ALS2: variants seen among roughly 807,000 people sequenced by gnomAD.
The protein encoded by ALS2 is alsin Rho guanine nucleotide exchange factor ALS2, also known as alsin.
A neutral mutation model predicts 203.4 loss-of-function variants in ALS2; 117 were observed. The observed-to-expected ratio is 0.58, with a 90% CI of 0.50 to 0.67. The LOEUF (loss-of-function observed/expected upper bound fraction) is 0.67, where lower values mean the gene tolerates loss of function less well. Among genes scored for constraint, ALS2 ranks in the 30% least tolerant of loss-of-function variants. ALS2 has a pLI of 0.00. For synonymous variants in ALS2, 718 were observed against 725.9 expected (o/e 0.99, Z 0.17); for missense variants, 1,715 against 1,989.4 (o/e 0.86, Z 2.62).
chr2:201,738,010 A>G (rs1477992046), intron 12 of ALS2, among the ~76,000 whole-genome samples: 2 of 152,194 alleles, frequency 1.3e-5, no homozygotes, highest in African/African-American at 4.8e-5. Flanking sequence ...ATTAAAATAC[A>G]GAATTTTTGG....
Position 201,733,315 on chromosome 2 carries a change from G to A in ALS2, c.2541C>T (p.Tyr847=), listed in dbSNP as rs181782027. The part of the protein sequence containing the change: ...FFLPIRRLHN[Y]AKVLLKLATC... ...TAGCAAGCTTTAGCAAAACTTTTGCGTAATTATGAAGTCGTCTGATTGGCA... is the reference window on the plus strand; with the variant it reads ...TAGCAAGCTTTAGCAAAACTTTTGCATAATTATGAAGTCGTCTGATTGGCA... Residue 847 remains tyrosine (Y), a synonymous_variant, in exon 13 of 34, where the codon TAC becomes TAT. Coordinates refer to ENST00000264276, the MANE Select transcript of ALS2 (RefSeq NM_020919.4). 9.9e-6 allele frequency: 16 copies of A among 1,613,828 alleles called. No individual in the cohort carries two copies. In the East Asian group the frequency reaches 1.1e-4, roughly 11 times the overall value.
intron 28 of ALS2, among the ~76,000 whole-genome samples, 163 bp from the exon 29 acceptor site, chr2:201,707,185 C>A (rs1482816551): frequency 6.6e-6 from 1 of 152,180 alleles, no homozygotes; most frequent in African/African-American, 2.4e-5. Context: ...GATATGAGGA[C>A]ATTATCTATA....
At chr2:201,767,866 T>TA (rs35608860) in intron 2 of ALS2, among the ~76,000 whole-genome samples, 19,854 of 111,902 alleles carry the variant, frequency 0.18, 1,714 homozygotes, top group East Asian at 0.38. Flanking sequence ...AGACTCTGTC[T>TA]AAAAAAAAAA....
intron 1 of ALS2, among the ~76,000 whole-genome samples, chr2:201,775,639 T>C (rs11904074): frequency 0.04 from 6,069 of 152,138 alleles, 364 homozygotes; most frequent in African/African-American, 0.13. Flanking sequence ...CACCTTGCAC[T>C]GAAGCCTTGG....
chr2:201,757,871 C>T (rs574139986), intron 4 of ALS2, 112 bp from the exon 5 acceptor site: 18 of 814,318 alleles, frequency 2.2e-5, no homozygotes, highest in East Asian at 5.3e-5. Context: ...GAATCTAAAA[C>T]GACAGAAGTT....
chr2:201,706,305 G>C (rs1689708017), intron 29 of ALS2, among the ~76,000 whole-genome samples: 2 of 151,594 alleles, frequency 1.3e-5, no homozygotes, highest in Non-Finnish European at 2.9e-5. Flanking sequence ...AGAATTGCTT[G>C]AACTTGGGAG....
chr2:201,733,537 C>T, intron 12 of ALS2, 99 bp from the exon 13 acceptor site: 1 of 1,071,520 alleles, frequency 9.3e-7, no homozygotes, highest in Non-Finnish European at 1.4e-6. Context: ...TTTCAGAATG[C>T]ACATTTTTTA....
intron 19 of ALS2, 45 bp downstream of exon 19, chr2:201,726,439 T>C: frequency 6.6e-7 from 1 of 1,509,948 alleles, no homozygotes. Context: ...ATTTACGACC[T>C]TACCGAACTT....
chr2:201,711,036 G>C lies in ALS2; in HGVS notation c.4077C>G (p.Ala1359=), dbSNP rs1043287064. 7 of 1,612,586 alleles carry C rather than the reference G, an allele frequency of 4.3e-6. No homozygotes were observed. The African/African-American group carries it at 5.3e-5, about 12-fold the overall frequency. Residue 1359 remains alanine (A), a synonymous_variant, in exon 26 of 34, where the codon GCC becomes GCG. Coordinates refer to ENST00000264276, the MANE Select transcript of ALS2 (RefSeq NM_020919.4). ...TGTCATCATATTTCTCCACAGAGAAGGCACCAACATGCTGTGGAATGAATT... is the reference window on the plus strand; with the variant it reads ...TGTCATCATATTTCTCCACAGAGAACGCACCAACATGCTGTGGAATGAATT... ...SLEFIPQHVG[A]FSVEKYDDIR... is the part of the protein sequence containing the mutation.
intron 25 of ALS2, among the ~76,000 whole-genome samples, chr2:201,713,663 T>A (rs1170281831): frequency 6.6e-6 from 1 of 152,226 alleles, no homozygotes; most frequent in East Asian, 1.9e-4. Flanking sequence ...TTGATTTGGC[T>A]CTTCTTTATA....
intron 3 of ALS2, 53 bp from the exon 4 acceptor site, chr2:201,761,871 A>G (rs1166294718): frequency 2.4e-5 from 38 of 1,584,580 alleles, no homozygotes; most frequent in Non-Finnish European, 3.3e-5. Flanking sequence ...TGAATTAACT[A>G]AAAATTTTAA....
At chr2:201,757,799 TCCC>T in intron 4 of ALS2, 40 bp from the exon 5 acceptor site, 1 of 1,446,096 alleles carries the variant, frequency 6.9e-7, no homozygotes, top group Non-Finnish European at 9.5e-7. Context: ...AAAAATATAA[TCCC>T]TTATGCAACA....
intron 8 of ALS2, among the ~76,000 whole-genome samples, chr2:201,747,088 C>A (rs1692711562): frequency 6.6e-6 from 1 of 152,222 alleles, no homozygotes; most frequent in African/African-American, 2.4e-5. Flanking sequence ...CAGAGCCCTA[C>A]TCTTGAAGTG....
intron 31 of ALS2, 95 bp from the exon 32 acceptor site, chr2:201,704,698 CAT>C: frequency 7.2e-7 from 1 of 1,395,650 alleles, no homozygotes; most frequent in Non-Finnish European, 1.0e-6. Flanking sequence ...CTGGGATTCA[CAT>C]GCCTTAACCC....
chr2:201,720,176 A>C (rs980376069), intron 23 of ALS2: 3 of 406,202 alleles, frequency 7.4e-6, no homozygotes, highest in African/African-American at 6.5e-5. Flanking sequence ...AAAACTACAG[A>C]CCATTACCTC....
At chr2:201,729,273 G>C in intron 13 of ALS2, 90 bp from the exon 14 acceptor site, 2 of 1,406,114 alleles carry the variant, frequency 1.4e-6, no homozygotes, top group East Asian at 2.5e-5. Flanking sequence ...TAGACATATA[G>C]TATTAAATGT....
intron 25 of ALS2, among the ~76,000 whole-genome samples, chr2:201,713,580 T>C (rs1002205496): frequency 6.6e-6 from 1 of 152,250 alleles, no homozygotes; most frequent in African/African-American, 2.4e-5. Flanking sequence ...GACTCTTCCA[T>C]TGCCATCTCT....
intron 1 of ALS2, chr2:201,778,346 T>C (rs1483557732): frequency 6.6e-6 from 1 of 152,174 alleles, no homozygotes; most frequent in Non-Finnish European, 1.5e-5. Flanking sequence ...CTTTTTCTCA[T>C]AGGTATTGAG....
intron 25 of ALS2, among the ~76,000 whole-genome samples, chr2:201,711,951 C>T (rs1170643557): frequency 3.3e-5 from 5 of 152,292 alleles, no homozygotes; most frequent in South Asian, 2.1e-4. Context: ...ATCTGTATCA[C>T]GCACAAGGGG....
Sources: allele counts gnomAD v4.1 joint callset (sites outside exome capture counted in the v4.1 genomes callset), GRCh38; gene constraint gnomAD v4.1.1; transcripts MANE v1.5; gene names NCBI Gene and HGNC (gene_info 2026-07-23, HGNC 2026-07-21).